The following NUP54 variants were observed in gnomAD, a reference collection of about 807,000 sequenced individuals.
NUP54 encodes the protein nucleoporin p54.
Under a neutral mutation model 66.4 loss-of-function variants are expected in NUP54, and 27 were observed. The observed-to-expected ratio is 0.41, with a 90% CI of 0.30 to 0.56. The LOEUF (loss-of-function observed/expected upper bound fraction) is 0.56, where lower values mean the gene tolerates loss of function less well. Among genes scored for constraint, NUP54 ranks in the 20% least tolerant of loss-of-function variants. NUP54 has a pLI of 0.34. For synonymous variants in NUP54, 206 were observed against 210.7 expected (o/e 0.98, Z 0.19); for missense variants, 486 against 596.3 (o/e 0.82, Z 1.93).
chr4:76,131,188 A>G, intron 7 of NUP54, 42 bp downstream of exon 7: 1 of 1,234,798 alleles, frequency 8.1e-7, no homozygotes, highest in Non-Finnish European at 1.2e-6. Context: ...TCCTAGTAGC[A>G]AATATTAGTT....
intron 3 of NUP54, 105 bp from the exon 4 acceptor site, chr4:76,136,517 A>G (rs572553155): frequency 2.7e-6 from 2 of 748,672 alleles, no homozygotes; most frequent in African/African-American, 3.5e-5. Flanking sequence ...AGATGCCCAT[A>G]TCCTAATCTA....
At chr4:76,133,759 C>T (rs994013716) in intron 5 of NUP54, among the ~76,000 whole-genome samples, 3 of 152,174 alleles carry the variant, frequency 2.0e-5, no homozygotes, top group East Asian at 1.9e-4. Context: ...CATTAATAAT[C>T]ATTCCTCCAA....
intron 3 of NUP54, among the ~76,000 whole-genome samples, chr4:76,141,082 C>T (rs1430402381): frequency 3.9e-5 from 6 of 152,162 alleles, no homozygotes; most frequent in Admixed American, 2.6e-4. Flanking sequence ...GACTTTTCCC[C>T]TTGATTCACA....
chr4:76,125,623 A>AGAGG (rs1560678686), intron 8 of NUP54, among the ~76,000 whole-genome samples: 12 of 56,050 alleles, frequency 2.1e-4, no homozygotes, highest in Non-Finnish European at 2.6e-4. Flanking sequence ...CAAGAGGGAG[A>AGAGG]GGGAGAGGGG....
At chr4:76,130,193 G>A (rs1313740559) in intron 8 of NUP54, among the ~76,000 whole-genome samples, 1 of 151,598 alleles carries the variant, frequency 6.6e-6, no homozygotes, top group Non-Finnish European at 1.5e-5. Context: ...AGTCGGCCAG[G>A]CTTGTCTTGA....
chr4:76,119,240 A>AC (rs1298684052), intron 9 of NUP54, among the ~76,000 whole-genome samples: 1 of 152,136 alleles, frequency 6.6e-6, no homozygotes, highest in Non-Finnish European at 1.5e-5. Flanking sequence ...TTTCTCTCAT[A>AC]CCCCCAAGAC....
At chr4:76,124,269 G>A (rs1025383750) in intron 9 of NUP54, among the ~76,000 whole-genome samples, 2 of 151,814 alleles carry the variant, frequency 1.3e-5, no homozygotes, top group African/African-American at 4.8e-5. Flanking sequence ...AAATTCTATT[G>A]TTTTTCGACC....
intron 7 of NUP54, 74 bp downstream of exon 7, chr4:76,131,156 T>A: frequency 1.1e-6 from 1 of 889,992 alleles, no homozygotes; most frequent in South Asian, 1.5e-5. Flanking sequence ...AGAATTATAA[T>A]TAATAGCTCC....
intron 8 of NUP54, among the ~76,000 whole-genome samples, chr4:76,127,215 G>A (rs1395223988): frequency 2.0e-5 from 3 of 152,050 alleles, no homozygotes; most frequent in Admixed American, 6.5e-5. Context: ...GGTGGATCAC[G>A]AGGTCAGGAG....
At chr4:76,147,138 G>A (rs1731535294) in intron 1 of NUP54, among the ~76,000 whole-genome samples, 1 of 152,136 alleles carries the variant, frequency 6.6e-6, no homozygotes, top group Non-Finnish European at 1.5e-5. Context: ...AATGACTGCA[G>A]GAGTCCAAGA....
intron 3 of NUP54, among the ~76,000 whole-genome samples, chr4:76,139,655 A>C (rs1188115950): frequency 1.3e-5 from 2 of 152,316 alleles, no homozygotes; most frequent in East Asian, 3.9e-4. Context: ...CTGGTTATAG[A>C]TGGGGTATTA....
chr4:76,144,187 C>T lies in NUP54; in HGVS notation c.257G>A (p.Gly86Glu). The change falls in exon 3 of 12, where the codon GGA becomes GAA. Residue 86 changes from glycine (G) to glutamate (E), a missense_variant. By Grantham distance (98) the Gly-to-Glu change is moderately conservative. This residue lies in a region of NUP54 where 145 missense variants were observed against 137.1 expected (regional missense o/e 1.06). Transcript: ENST00000264883. ...GLGTGLGTGL[G>E]FGGFNTQQQQ... ...CTGCTGTGTATTAAATCCTCCAAAT[C>T]CCAGTCCAGTTCCCAAACCAGTACC... 6.2e-7 allele frequency: 1 copy of T among 1,614,048 alleles called. No individual in the cohort carries two copies. The highest frequency in any genetic ancestry group is 1.1e-5 in the South Asian group (1 of 91,090).
rs1261683910 is a variant in NUP54 at position 76,125,663 on chromosome 4, G to A, written c.1057-907C>T. ...GGGGGAGAGGGGGAGAGGGAGAGAGGGGGAGAGAGGGAGAGAGGGAGAGGG... is the reference window on the plus strand; with the variant it reads ...GGGGGAGAGGGGGAGAGGGAGAGAGAGGGAGAGAGGGAGAGAGGGAGAGGG... On this transcript the variant is annotated intron_variant, in intron 8 of 11. Transcript: ENST00000264883. 6.0e-4 allele frequency among the ~76,000 whole-genome samples: 12 copies of A among 19,982 alleles called. 1 individual carries two copies. The highest frequency in any genetic ancestry group is 0.019 in the East Asian group (2 of 108). The allele number at this position is 19,982 out of a possible 152,430, so 13.1% of individuals were successfully genotyped here.
At chr4:76,117,900 A>G (rs1730023577) in intron 10 of NUP54, 126 bp from the exon 11 acceptor site, 1 of 977,922 alleles carries the variant, frequency 1.0e-6, no homozygotes, top group South Asian at 1.6e-5. Context: ...TGTACATTAT[A>G]TTCGAAACAC....
chr4:76,130,769 A>G lies in NUP54; in HGVS notation c.963-20T>C. The G allele has an allele frequency of 1.3e-6, 2 of 1,523,332 alleles. No homozygotes were observed. The highest frequency in any genetic ancestry group is 1.8e-6 in the Non-Finnish European group (2 of 1,098,740). 94.4% of individuals were successfully genotyped at this position (1,523,332 alleles called of 1,614,324 possible). On this transcript the variant is annotated intron_variant, in intron 7 of 11. Transcript: ENST00000264883. ...ATTAACCTGAAGAAACGCAGTGAAC[A>G]ATTTTCAGACCTTAAGCCTATTACT...
In NUP54 at chr4:76,147,444, C is replaced by G; in HGVS notation, c.67+864G>C. On this transcript the variant is annotated intron_variant, in intron 1 of 11. Coordinates refer to ENST00000264883, the MANE Select transcript of NUP54 (RefSeq NM_017426.4). Reference sequence around the variant, plus strand: ...CACAATATTCTTGGACTCCAGCTCCCAACACTGGTTACACATACAACCCGC... The same window carrying G: ...CACAATATTCTTGGACTCCAGCTCCGAACACTGGTTACACATACAACCCGC... The G allele has an allele frequency of 1.6e-6, 2 of 1,275,610 alleles. 1 individual carries two copies. The allele number at this position is 1,275,610 out of a possible 1,614,324, so 79.0% of individuals were successfully genotyped here. A position where few individuals can be genotyped will look rare whatever the true frequency, so the allele number is the denominator to read the frequency against.
chr4:76,125,107 T>C (rs1730411170), intron 8 of NUP54, among the ~76,000 whole-genome samples: 2 of 151,600 alleles, frequency 1.3e-5, no homozygotes, highest in Admixed American at 6.6e-5. Context: ...CTGGCCAACA[T>C]AGTGAAACCC....
intron 3 of NUP54, 102 bp from the exon 4 acceptor site, chr4:76,136,514 C>T (rs140612515): frequency 3.1e-5 from 24 of 777,196 alleles, no homozygotes; most frequent in Non-Finnish European, 1.7e-5. Flanking sequence ...CCAAGATGCC[C>T]ATATCCTAAT....
At chr4:76,145,154 T>C (rs1731434091) in intron 1 of NUP54, among the ~76,000 whole-genome samples, 3 of 151,584 alleles carry the variant, frequency 2.0e-5, no homozygotes, top group Admixed American at 1.3e-4. Context: ...CCGTGTCTAC[T>C]AAAAATACAA....
Sources: allele counts gnomAD v4.1 joint callset (sites outside exome capture counted in the v4.1 genomes callset), GRCh38; gene constraint gnomAD v4.1.1; regional missense constraint gnomAD v4.1.1; transcripts MANE v1.5; gene names NCBI Gene and HGNC (gene_info 2026-07-23, HGNC 2026-07-21).